Variants in CPLANE1 observed in about 807,000 individuals in gnomAD.
CPLANE1 encodes the protein ciliogenesis and planar polarity effector complex subunit 1.
A neutral mutation model predicts 362.5 loss-of-function variants in CPLANE1; 263 were observed. That is an observed-to-expected ratio of 0.73 (90% CI 0.66 to 0.80). The LOEUF (loss-of-function observed/expected upper bound fraction) is 0.80, where lower values mean the gene tolerates loss of function less well. Among genes scored for constraint, CPLANE1 ranks in the 30% least tolerant of loss-of-function variants. The pLI is 0.00. For synonymous variants in CPLANE1, 1,212 were observed against 1,302.6 expected, an observed-to-expected ratio of 0.93 and a Z score of 1.50; for missense variants, 3,461 against 3,793.4, an observed-to-expected ratio of 0.91 and a Z score of 2.30.
rs1056403149 is a variant in CPLANE1, at chr5:37,244,236, C to G, written c.570+139G>C. ...AATAAACACTTTTTAAAAATGTGAC[C>G]CAAGAAATATAAAAATATCTTTTCC... On this transcript the variant is annotated intron_variant, in intron 5 of 52. Transcript: ENST00000651892. 12 of 536,412 alleles carry G rather than the reference C, an allele frequency of 2.2e-5. No individual in the cohort carries two copies. In the South Asian group the frequency reaches 2.8e-4, roughly 12 times the overall value. 33.2% of individuals were successfully genotyped at this position (536,412 alleles called of 1,614,324 possible).
chr5:37,138,686 T>C (rs570520448), intron 46 of CPLANE1, 34 bp downstream of exon 46: 1 of 1,586,018 alleles, frequency 6.3e-7, no homozygotes, highest in South Asian at 1.2e-5. Flanking sequence ...AGAAGCATTT[T>C]AAACAGGTTA....
chr5:37,078,962 G>C, the CPLANE1 span, among the ~76,000 whole-genome samples: 1 of 152,116 alleles, frequency 6.6e-6, no homozygotes, highest in African/African-American at 2.4e-5. Flanking sequence ...ACTTTTGTCA[G>C]ATGGACAGAT....
chr5:37,109,029 A>G (rs952034659), intron 51 of CPLANE1, among the ~76,000 whole-genome samples: 3 of 152,212 alleles, frequency 2.0e-5, no homozygotes, highest in African/African-American at 4.8e-5. Context: ...CCACAAACCA[A>G]TAAGGTTTCT....
At chr5:37,159,295 T>C (rs1055265357) in intron 38 of CPLANE1, among the ~76,000 whole-genome samples, 2 of 148,752 alleles carry the variant, frequency 1.3e-5, no homozygotes, top group Non-Finnish European at 3.0e-5. Flanking sequence ...GTATTTTTAG[T>C]AGAGACGGGG....
At chr5:37,122,015 G>A (rs1762803740) in intron 48 of CPLANE1, among the ~76,000 whole-genome samples, 1 of 152,076 alleles carries the variant, frequency 6.6e-6, no homozygotes. Flanking sequence ...GAGTAGCTGG[G>A]ATTACAGGCG....
At position 37,206,333 on chromosome 5, in the gene CPLANE1, C is replaced by T; in HGVS notation, c.3013G>A (p.Ala1005Thr). The T allele has an allele frequency of 6.4e-7, 1 of 1,551,450 alleles. No individual in the cohort carries two copies. Among genetic ancestry groups the T allele is most frequent in the East Asian group, 2.4e-5 (1 of 40,918 alleles). Residue 1005 changes from alanine (A) to threonine (T), a missense_variant, in exon 17 of 53, where the codon GCA becomes ACA. By Grantham distance (58) the Ala-to-Thr change is moderately conservative. Coordinates refer to ENST00000651892, the MANE Select transcript of CPLANE1 (RefSeq NM_001384732.1). ...CCACCAATAAATAGTAATTCAAGTG[C>T]ATATTCAACTGTCCACACATTAGAG... ...NLSNVWTVEY[A>T]LELLFIGGLV...
intron 44 of CPLANE1, chr5:37,140,212 AG>A (rs1769251276): frequency 1.1e-6 from 1 of 885,500 alleles, no homozygotes; most frequent in Admixed American, 6.2e-5. Context: ...GAATTAATAT[AG>A]GGAAAAGTGT....
chr5:37,239,580 CAAAAAAA>C, intron 7 of CPLANE1, 126 bp downstream of exon 7: 4 of 302,308 alleles, frequency 1.3e-5, no homozygotes, highest in Admixed American at 8.4e-5. Flanking sequence ...GAGACCCTGT[CAAAAAAA>C]AAAAAAAAAA....
chr5:37,138,519 A>G (rs1455353161), intron 46 of CPLANE1: 1 of 705,092 alleles, frequency 1.4e-6, no homozygotes. Flanking sequence ...TTCTTGGGAA[A>G]ACCCACAGGA....
In CPLANE1 at chr5:37,199,096, CAAAAAAAAA is replaced by C. The variant is rs35945783; in HGVS notation, c.3508-239_3508-231del. ...TGGGCCACACAGGGACACCCTGTCT[CAAAAAAAAA>C]AAAAAAAAAAAAAAAAGATAGGCTA... On this transcript the variant is annotated intron_variant, in intron 19 of 52. Transcript: ENST00000651892. Among the ~76,000 whole-genome samples, 11 of 47,170 alleles carry C rather than the reference CAAAAAAAAA, an allele frequency of 2.3e-4. No homozygotes were observed. In the South Asian group the frequency reaches 9.2e-3, roughly 40 times the overall value. 30.9% of individuals were successfully genotyped at this position (47,170 alleles called of 152,430 possible).
intron 6 of CPLANE1, among the ~76,000 whole-genome samples, chr5:37,242,156 C>A (rs772410049): frequency 1.3e-5 from 2 of 151,772 alleles, no homozygotes; most frequent in Non-Finnish European, 2.9e-5. Flanking sequence ...TAGTTCAAGA[C>A]CACCTGACTA....
intron 47 of CPLANE1, chr5:37,124,921 A>G (rs1763732266): frequency 8.4e-6 from 9 of 1,074,386 alleles, no homozygotes; most frequent in Non-Finnish European, 1.0e-5. Context: ...GCAACTGCCA[A>G]TGACTCTCAT....
rs1783149047 is a variant in CPLANE1 at position 37,183,253 on chromosome 5, T to C, written c.4928A>G (p.Glu1643Gly). ...TACTGATGATGAAAGTTTCTGGTTTTCTAAATGCATGCCATATTCATCATT... is the reference window on the plus strand; with the variant it reads ...TACTGATGATGAAAGTTTCTGGTTTCCTAAATGCATGCCATATTCATCATT... Reference protein sequence around the residue: ...SLNDEYGMHLENQKLSSSVLV... With the variant: ...SLNDEYGMHLGNQKLSSSVLV... The change falls in exon 26 of 53, where the codon GAA (glutamate) becomes GGA (glycine). Residue 1643 changes from glutamate (E) to glycine (G), a missense_variant. Around this residue, in one of 2 missense-constraint regions of CPLANE1, gnomAD observed 3,380 missense variants for 3,666.1 expected, o/e 0.92. Transcript: ENST00000651892. 1 of 1,612,942 alleles carries C rather than the reference T, an allele frequency of 6.2e-7. No homozygotes were observed. Among genetic ancestry groups the C allele is most frequent in the East Asian group, 2.2e-5 (1 of 44,838 alleles).
chr5:37,085,984 T>C, the CPLANE1 span: 1 of 592,238 alleles, frequency 1.7e-6, no homozygotes, highest in South Asian at 2.2e-5. Flanking sequence ...TAAAAGGACT[T>C]GTCCAACAGG....
chr5:37,219,138 G>C (rs772103662), intron 15 of CPLANE1, among the ~76,000 whole-genome samples: 19 of 152,124 alleles, frequency 1.2e-4, no homozygotes, highest in Non-Finnish European at 2.5e-4. Flanking sequence ...CATTTTGAGA[G>C]GCTGAGGTGT....
Position 37,175,959 on chromosome 5 carries a change from C to A in CPLANE1, c.5928G>T (p.Gly1976=). 6.2e-7 allele frequency: 1 copy of A among 1,612,996 alleles called. No individual in the cohort carries two copies. The highest frequency in any genetic ancestry group is 1.1e-5 in the South Asian group (1 of 90,936). ...CTTGCATTGATTGAGGAGTGGTATG[C>A]CCAGGATGTGAAAAGGCTTCGATCA... ...KGMIEAFSHP[G]HTTPQSMQVD... is the part of the protein sequence containing the mutation. Residue 1976 remains glycine, a synonymous_variant, in exon 31 of 53, where the codon GGG becomes GGT. Transcript: ENST00000651892.
intron 9 of CPLANE1, 97 bp downstream of exon 9, chr5:37,230,760 AAAAGTAAGAC>A: frequency 1.4e-6 from 1 of 715,076 alleles, no homozygotes. Context: ...GACTCAAAGA[AAAAGTAAGAC>A]AATTTGAAAG....
the CPLANE1 span, among the ~76,000 whole-genome samples, chr5:37,100,501 G>A: frequency 5.9e-5 from 9 of 152,104 alleles, no homozygotes; most frequent in Admixed American, 2.0e-4. Context: ...ATGCTGTTTT[G>A]GTTACTGTAG....
At chr5:37,105,747 A>G (rs1375308817), downstream of CPLANE1, among the ~76,000 whole-genome samples, 1 of 152,214 alleles carries the variant, frequency 6.6e-6, no homozygotes, top group East Asian at 1.9e-4. Flanking sequence ...AATGGGAGAA[A>G]ATATTTGCAA....
Sources: gnomAD v4.1 joint callset for allele counts (sites outside exome capture counted in the v4.1 genomes callset) on GRCh38, gnomAD v4.1.1 for gene constraint, gnomAD v4.1.1 regional missense constraint, MANE v1.5 for transcripts, NCBI Gene and HGNC (gene_info 2026-07-23, HGNC 2026-07-21) for gene names.